Variants in SEMA6D observed in about 807,000 individuals in gnomAD.
SEMA6D encodes semaphorin 6D.
In SEMA6D, 35 loss-of-function variants were observed where a neutral mutation model predicts 106.6. The ratio of observed to expected loss-of-function variants is 0.33; its 90% CI spans 0.25 to 0.44. SEMA6D has a LOEUF of 0.44. Ranked by LOEUF, SEMA6D falls within the 20% of genes least tolerant of loss-of-function variation. The pLI is 1.00. For missense variants in SEMA6D, 1,185 were observed against 1,345.9 expected (o/e 0.88, Z 1.87); for synonymous variants, 499 against 487.7 (o/e 1.02, Z -0.31).
chr15:47,438,749 C>G (rs1008818513), intron 2 of SEMA6D, among the ~76,000 whole-genome samples: 46 of 151,664 alleles, frequency 3.0e-4, no homozygotes, highest in African/African-American at 1.1e-3. Context: ...ATGCTTATTT[C>G]TGCTTGTTCA....
chr15:47,292,776 C>G (rs1245068640), intron 1 of SEMA6D, among the ~76,000 whole-genome samples: 1 of 152,158 alleles, frequency 6.6e-6, no homozygotes, highest in Non-Finnish European at 1.5e-5. Flanking sequence ...GTACTGTGTA[C>G]AGGGTGAGCA....
chr15:47,451,892 A>G (rs2042204759), intron 2 of SEMA6D, among the ~76,000 whole-genome samples: 1 of 152,020 alleles, frequency 6.6e-6, no homozygotes, highest in Admixed American at 6.6e-5. Context: ...GTACATTAAA[A>G]ATGGATACAT....
At chr15:47,285,722 C>G (rs1010178222) in intron 1 of SEMA6D, among the ~76,000 whole-genome samples, 1 of 152,162 alleles carries the variant, frequency 6.6e-6, no homozygotes. Context: ...GTGGCCACTC[C>G]AGAAATGCCT....
intron 3 of SEMA6D, among the ~76,000 whole-genome samples, chr15:47,557,336 A>C (rs1216729625): frequency 6.6e-6 from 1 of 152,224 alleles, no homozygotes; most frequent in Non-Finnish European, 1.5e-5. Flanking sequence ...CTACACTTGG[A>C]GAACCTACGG....
intron 3 of SEMA6D, among the ~76,000 whole-genome samples, chr15:47,529,010 T>G (rs901201163): frequency 5.9e-5 from 9 of 152,178 alleles, no homozygotes; most frequent in African/African-American, 2.4e-5. Flanking sequence ...AAAATGTTAT[T>G]AAAAAATAAT....
intron 1 of SEMA6D, among the ~76,000 whole-genome samples, chr15:47,723,561 T>G (rs2146394973): frequency 6.6e-6 from 1 of 152,328 alleles, no homozygotes; most frequent in East Asian, 1.9e-4. Flanking sequence ...GAAAGTGTAT[T>G]ACTGAAGTTA....
chr15:47,732,670 T>C (rs2080198458), intron 1 of SEMA6D, among the ~76,000 whole-genome samples: 2 of 152,246 alleles, frequency 1.3e-5, no homozygotes, highest in Non-Finnish European at 2.9e-5. Context: ...ATAGTGTACA[T>C]TAAACACATT....
chr15:47,556,844 A>T (rs898896610), intron 3 of SEMA6D, among the ~76,000 whole-genome samples: 5 of 152,246 alleles, frequency 3.3e-5, no homozygotes, highest in African/African-American at 1.2e-4. Context: ...TGTGTGCCTA[A>T]GTCAAAATCA....
At chr15:47,614,352 A>T (rs1385120277) in intron 4 of SEMA6D, among the ~76,000 whole-genome samples, 1 of 152,090 alleles carries the variant, frequency 6.6e-6, no homozygotes, top group Admixed American at 6.5e-5. Flanking sequence ...GCAATACATA[A>T]CCATTCAGAT....
intron 2 of SEMA6D, among the ~76,000 whole-genome samples, chr15:47,443,853 G>A (rs916163899): frequency 4.6e-5 from 7 of 150,830 alleles, no homozygotes; most frequent in African/African-American, 9.7e-5. Flanking sequence ...GCCACCTACC[G>A]TGGAAAACTG....
intron 1 of SEMA6D, among the ~76,000 whole-genome samples, chr15:47,315,947 C>T (rs1174464616): frequency 6.6e-6 from 1 of 150,968 alleles, no homozygotes; most frequent in African/African-American, 2.4e-5. Flanking sequence ...CTCCTGAAAC[C>T]TTCCTGTATC....
chr15:47,248,381 G>A (rs191531504), intron 1 of SEMA6D, among the ~76,000 whole-genome samples: 1 of 152,276 alleles, frequency 6.6e-6, no homozygotes, highest in Admixed American at 6.5e-5. Flanking sequence ...AAAGACAGAT[G>A]CCTGTGGGAT....
chr15:47,749,654 A>C (rs950823202), intron 1 of SEMA6D, among the ~76,000 whole-genome samples: 1 of 152,220 alleles, frequency 6.6e-6, no homozygotes, highest in Non-Finnish European at 1.5e-5. Context: ...TCAATTTTAG[A>C]CTACTGAATT....
At chr15:47,516,896 AAAG>A (rs918756695) in intron 3 of SEMA6D, among the ~76,000 whole-genome samples, 1 of 152,158 alleles carries the variant, frequency 6.6e-6, no homozygotes, top group Admixed American at 6.5e-5. Flanking sequence ...TTTTTTGTAA[AAAG>A]AAGAATTAAT....
In SEMA6D at chr15:47,766,190, T is replaced by C; in HGVS notation, c.1646+8T>C. 1.2e-6 allele frequency: 2 copies of C among 1,611,046 alleles called. No individual in the cohort carries two copies. The highest frequency in any genetic ancestry group is 1.7e-6 in the Non-Finnish European group (2 of 1,177,642). Reference sequence around the variant, plus strand: ...AGTGACCCCAGGGATGCTGTAAGTATACTTTGTCACATGAGCTAGGATGAA... The same window carrying C: ...AGTGACCCCAGGGATGCTGTAAGTACACTTTGTCACATGAGCTAGGATGAA... On this transcript the variant is annotated splice_region_variant and intron_variant, in intron 15 of 18. Transcript: ENST00000536845.
At chr15:47,652,622 C>T (rs1469822168) in intron 4 of SEMA6D, among the ~76,000 whole-genome samples, 2 of 152,216 alleles carry the variant, frequency 1.3e-5, no homozygotes, top group Non-Finnish European at 2.9e-5. Context: ...ATTTAGTCCA[C>T]TTCACGTATA....
intron 1 of SEMA6D, among the ~76,000 whole-genome samples, chr15:47,302,898 G>A (rs1013575842): frequency 3.3e-5 from 5 of 152,156 alleles, no homozygotes; most frequent in Non-Finnish European, 5.9e-5. Context: ...TTAAGCCACT[G>A]ATACATGGTA....
In SEMA6D at chr15:47,760,389, T is replaced by A. The variant is rs1421833915; in HGVS notation, c.195T>A (p.Ile65=). 1.2e-6 allele frequency: 2 copies of A among 1,613,386 alleles called. No individual in the cohort carries two copies. The highest frequency in any genetic ancestry group is 2.2e-5 in the South Asian group (2 of 91,052). ...HRLDFQLMLK[I]RDTLYIAGRD... ...TGGACTTTCAGCTGATGTTGAAAAT[T>A]CGAGACACACTTTATATTGCTGGCA... Residue 65 remains isoleucine (I), a synonymous_variant, in exon 3 of 19, where the codon ATT becomes ATA. Coordinates refer to ENST00000536845, the MANE Select transcript of SEMA6D (RefSeq NM_001358351.3).
chr15:47,626,366 C>T (rs1452751313), intron 4 of SEMA6D, among the ~76,000 whole-genome samples: 1 of 152,086 alleles, frequency 6.6e-6, no homozygotes, highest in Admixed American at 6.6e-5. Flanking sequence ...GTGTGGCTGC[C>T]CTTCCATGGG....
Sources: allele counts gnomAD v4.1 joint callset (sites outside exome capture counted in the v4.1 genomes callset), GRCh38; gene constraint gnomAD v4.1.1; transcripts MANE v1.5; gene names NCBI Gene and HGNC (gene_info 2026-07-23, HGNC 2026-07-21).